Variants in AGO2 observed in about 807,000 individuals in gnomAD.
The protein encoded by AGO2 is protein argonaute-2.
Under a neutral mutation model 102.3 loss-of-function variants are expected in AGO2, and 5 were observed. That is an observed-to-expected ratio of 0.05 (90% CI 0.03 to 0.10). AGO2 has a LOEUF of 0.10. AGO2 is among the 10% of genes least tolerant of loss of function. The pLI, the probability that AGO2 is intolerant of heterozygous loss-of-function variation, is 1.00. For synonymous variants in AGO2, 449 were observed against 473.1 expected (o/e 0.95, Z 0.66); for missense variants, 541 against 1,183.7 (o/e 0.46, Z 7.97).
intron 1 of AGO2, among the ~76,000 whole-genome samples, chr8:140,595,709 AATATT>A (rs1275345041): frequency 2.6e-4 from 34 of 132,844 alleles, no homozygotes; most frequent in Non-Finnish European, 1.6e-4. Flanking sequence ...ATTATATATA[AATATT>A]ATATTATATA....
Position 140,566,631 on chromosome 8 carries a change from G to T in AGO2, c.337-3997C>A, listed in dbSNP as rs542604384. On this transcript the variant is annotated intron_variant, in intron 3 of 18. Transcript: ENST00000220592. ...TTTTTTTTTTTTTGGGGGGGGGGAA[G>T]GTGTCCCGCTCTCAGTTAAAGAAAC... Among the ~76,000 whole-genome samples, 119 of 148,200 alleles carry T rather than the reference G, an allele frequency of 8.0e-4. 1 individual carries two copies. The highest frequency in any genetic ancestry group is 2.8e-3 in the African/African-American group (113 of 40,538).
In AGO2 at chr8:140,635,487, G is replaced by A. The variant is rs1369712526; in HGVS notation, c.20C>T (p.Pro7Leu). The change falls in exon 1 of 19, where the codon CCC (proline) becomes CTC (leucine). Residue 7 changes from proline to leucine, a missense_variant and splice_region_variant. By Grantham distance (98) the Pro-to-Leu change is moderately conservative. This residue lies in a region of AGO2 where 147 missense variants were observed against 204.1 expected (regional missense o/e 0.72). Coordinates refer to ENST00000220592, the MANE Select transcript of AGO2 (RefSeq NM_012154.5). ...GCGCCCCGAGCGCCAGGACTCACCG[G>A]GGCCGGCTCCCGAGTACATGGTGGC... Reference protein sequence around the residue: MYSGAGPALAPPAPPPP... With the variant: MYSGAGLALAPPAPPPP... 4.1e-6 allele frequency: 4 copies of A among 980,332 alleles called. No individual in the cohort carries two copies. The highest frequency in any genetic ancestry group is 6.4e-5 in the Admixed American group (1 of 15,722). 60.7% of individuals were successfully genotyped at this position (980,332 alleles called of 1,614,324 possible).
chr8:140,535,634 G>C, intron 16 of AGO2, 65 bp from the exon 17 acceptor site: 1 of 1,539,958 alleles, frequency 6.5e-7, no homozygotes, highest in Non-Finnish European at 9.0e-7. Flanking sequence ...AGGCGGGCCA[G>C]GCAGCCGCGC....
In AGO2 at chr8:140,558,461, A is replaced by G. The variant is rs1191125762; in HGVS notation, c.878+24T>C. The G allele has an allele frequency of 3.1e-6, 5 of 1,613,762 alleles. No individual in the cohort carries two copies. The South Asian group carries it at 4.4e-5, about 14-fold the overall frequency. On this transcript the variant is annotated intron_variant, in intron 7 of 18. Coordinates refer to ENST00000220592, the MANE Select transcript of AGO2 (RefSeq NM_012154.5). ...TGACAGTGGGGGCCCCAGCCAAGAG[A>G]GTCTGAAAGGAAGGGCGTGTTACGT...
chr8:140,607,668 C>T (rs182404927), intron 1 of AGO2, among the ~76,000 whole-genome samples: 22 of 151,850 alleles, frequency 1.4e-4, no homozygotes, highest in African/African-American at 4.8e-4. Context: ...CATTGTTAGG[C>T]GAAAGAAGCC....
At chr8:140,560,302 C>T in intron 5 of AGO2, 72 bp downstream of exon 5, 1 of 1,564,048 alleles carries the variant, frequency 6.4e-7, no homozygotes, top group Admixed American at 1.8e-5. Context: ...ATGCCACCCC[C>T]CGACCGGGGT....
rs1304604502 is a variant in AGO2, at chr8:140,521,496, A to C, written c.*10548T>G. ...TCCCTAATTTTTATTTCTTATTGGT[A>C]TAAAATCAAATTCTTAAGACTCCAA... On this transcript the variant is annotated 3_prime_UTR_variant, in exon 19 of 19. Coordinates refer to ENST00000220592, the MANE Select transcript of AGO2 (RefSeq NM_012154.5). 1 of 152,112 alleles carries C rather than the reference A, an allele frequency of 6.6e-6. No homozygotes were observed. Among genetic ancestry groups the C allele is most frequent in the Non-Finnish European group, 1.5e-5 (1 of 68,032 alleles). The allele number at this position is 152,112 out of a possible 1,614,324, so 9.4% of individuals were successfully genotyped here. A position where few individuals can be genotyped will look rare whatever the true frequency, so the allele number is the denominator to read the frequency against.
At chr8:140,550,616 T>C (rs912581401) in intron 11 of AGO2, among the ~76,000 whole-genome samples, 2 of 152,166 alleles carry the variant, frequency 1.3e-5, no homozygotes, top group Non-Finnish European at 2.9e-5. Context: ...TTTCACCTTC[T>C]CTTCCTATTT....
At chr8:140,617,935 G>A (rs2074162077) in intron 1 of AGO2, among the ~76,000 whole-genome samples, 1 of 152,082 alleles carries the variant, frequency 6.6e-6, no homozygotes, top group South Asian at 2.1e-4. Context: ...TCGAGCCTGG[G>A]AGGTTGAGGC....
intron 1 of AGO2, among the ~76,000 whole-genome samples, chr8:140,594,248 G>A (rs377364611): frequency 3.9e-5 from 6 of 151,960 alleles, no homozygotes; most frequent in Non-Finnish European, 5.9e-5. Flanking sequence ...TAACTCAGTC[G>A]GAACAATTTT....
rs1201563583 is a variant in AGO2 at position 140,532,569 on chromosome 8, C to T, written c.2318G>A (p.Arg773His). Reference sequence around the variant, plus strand: ...GATCTGCAGCTCATCAGAGGAGAAACGATTGTCGTCCCAGAGGACGTGATA... The same window carrying T: ...GATCTGCAGCTCATCAGAGGAGAAATGATTGTCGTCCCAGAGGACGTGATA... ...SHYHVLWDDN[R>H]FSSDELQILT... is the part of the protein sequence containing the mutation. The change falls in exon 18 of 19, where the codon CGT becomes CAT. Residue 773 changes from arginine to histidine, a missense_variant. This residue lies in a region of AGO2 where 309 missense variants were observed against 735.1 expected (regional missense o/e 0.42). Transcript: ENST00000220592. The T allele has an allele frequency of 6.8e-6, 11 of 1,614,156 alleles. No individual in the cohort carries two copies. Among genetic ancestry groups the T allele is most frequent in the African/African-American group, 4.0e-5 (3 of 74,952 alleles).
the AGO2 span, among the ~76,000 whole-genome samples, chr8:140,642,125 A>G: frequency 1.3e-5 from 2 of 152,366 alleles, no homozygotes; most frequent in East Asian, 3.9e-4. Flanking sequence ...AAGATGTACA[A>G]AACCTCTGCA....
chr8:140,560,405 A>G lies in AGO2; in HGVS notation c.624T>C (p.Pro208=). 1 of 1,614,210 alleles carries G rather than the reference A, an allele frequency of 6.2e-7. No individual in the cohort carries two copies. Among genetic ancestry groups the G allele is most frequent in the Non-Finnish European group, 8.5e-7 (1 of 1,180,030 alleles). Reference sequence around the variant, plus strand: ...TATTCAGCATCATTTTCCAGAGAGAAGGCCGGACGGACTGATGGAAGCCAA... The same window carrying G: ...TATTCAGCATCATTTTCCAGAGAGAGGGCCGGACGGACTGATGGAAGCCAA... ...VWFGFHQSVR[P]SLWKMMLNID... is the part of the protein sequence containing the mutation. Residue 208 remains proline (P), a synonymous_variant, in exon 5 of 19, where the codon CCT becomes CCC. Transcript: ENST00000220592.
chr8:140,586,654 G>C (rs892892742), intron 1 of AGO2, among the ~76,000 whole-genome samples: 2 of 152,168 alleles, frequency 1.3e-5, no homozygotes, highest in Admixed American at 6.5e-5. Context: ...ACCGTGACAG[G>C]GAGTGGACAT....
rs1478314118 is a variant in AGO2, at chr8:140,555,961, T to C, written c.1204A>G (p.Lys402Glu). The stretch of plus-strand genomic sequence containing the variant: ...CCAGTCACGTCTGTCATCTCATCTT[T>C]GACCATGATTCCAAATTCACGGACG... ...PYVREFGIMV[K>E]DEMTDVTGRV... The change falls in exon 10 of 19, where the codon AAA becomes GAA. Residue 402 changes from lysine (K) to glutamate (E), a missense_variant. This residue lies in a region of AGO2 where 309 missense variants were observed against 735.1 expected (regional missense o/e 0.42). Coordinates refer to ENST00000220592, the MANE Select transcript of AGO2 (RefSeq NM_012154.5). 1 of 1,614,234 alleles carries C rather than the reference T, an allele frequency of 6.2e-7. No homozygotes were observed. Among genetic ancestry groups the C allele is most frequent in the South Asian group, 1.1e-5 (1 of 91,082 alleles).
intron 14 of AGO2, 109 bp downstream of exon 14, chr8:140,544,104 A>C: frequency 8.2e-7 from 1 of 1,221,286 alleles, no homozygotes; most frequent in East Asian, 2.8e-5. Flanking sequence ...CAGCTTAGTG[A>C]GACCCCATGC....
chr8:140,599,716 C>T (rs1038440107), intron 1 of AGO2, among the ~76,000 whole-genome samples: 4 of 152,230 alleles, frequency 2.6e-5, no homozygotes, highest in Admixed American at 1.3e-4. Context: ...GACCCTCTCA[C>T]GATTTTTTTG....
intron 1 of AGO2, chr8:140,592,879 G>A (rs1329637976): frequency 6.6e-6 from 1 of 152,232 alleles, no homozygotes; most frequent in African/African-American, 2.4e-5. Context: ...CTCTTCTCAT[G>A]TCCTCGCTCT....
At chr8:140,618,540 T>C (rs2074172694) in intron 1 of AGO2, among the ~76,000 whole-genome samples, 1 of 151,890 alleles carries the variant, frequency 6.6e-6, no homozygotes, top group South Asian at 2.1e-4. Context: ...TTAACAGCAC[T>C]CAGAACTGCT....
Sources: gnomAD v4.1 joint callset for allele counts (sites outside exome capture counted in the v4.1 genomes callset) on GRCh38, gnomAD v4.1.1 for gene constraint, gnomAD v4.1.1 regional missense constraint, MANE v1.5 for transcripts, NCBI Gene and HGNC (gene_info 2026-07-23, HGNC 2026-07-21) for gene names.